The following UGT3A1 variants were observed in gnomAD, a reference collection of about 807,000 sequenced individuals.
UGT3A1 encodes UDP glycosyltransferase family 3 member A1.
Under a neutral mutation model 37.6 loss-of-function variants are expected in UGT3A1, and 40 were observed. The ratio of observed to expected loss-of-function variants is 1.06; its 90% CI spans 0.83 to 1.38. The LOEUF (loss-of-function observed/expected upper bound fraction) is 1.38. Among genes scored for constraint, UGT3A1 ranks in the 40% most tolerant of loss-of-function variants. The pLI is 0.00. For missense variants in UGT3A1, 642 were observed against 634.2 expected (o/e 1.01, Z -0.13); for synonymous variants, 256 against 232.3 (o/e 1.10, Z -0.93).
At chr5:35,965,250 T>C in intron 4 of UGT3A1, 136 bp downstream of exon 4, 1 of 1,359,180 alleles carries the variant, frequency 7.4e-7, no homozygotes, top group Non-Finnish European at 9.9e-7. Context: ...CAGCACTTCC[T>C]TTAAGAACGT....
At chr5:35,959,382 C>T (rs571092220) in intron 4 of UGT3A1, among the ~76,000 whole-genome samples, 1 of 152,268 alleles carries the variant, frequency 6.6e-6, no homozygotes, top group East Asian at 1.9e-4. Flanking sequence ...GGACTTACTA[C>T]ACAAATATTT....
intron 2 of UGT3A1, among the ~76,000 whole-genome samples, chr5:35,983,964 C>T (rs541520894): frequency 6.6e-6 from 1 of 152,168 alleles, no homozygotes; most frequent in South Asian, 2.1e-4. Flanking sequence ...TAGCAAAAAA[C>T]TGAAAGCCTT....
intron 4 of UGT3A1, among the ~76,000 whole-genome samples, chr5:35,964,984 G>A (rs528850077): frequency 5.3e-5 from 8 of 152,258 alleles, no homozygotes; most frequent in East Asian, 3.9e-4. Flanking sequence ...TGCTTACCCC[G>A]AAACCACAGT....
intron 2 of UGT3A1, among the ~76,000 whole-genome samples, chr5:35,979,313 T>C (rs1740424951): frequency 6.6e-6 from 1 of 152,194 alleles, no homozygotes; most frequent in Non-Finnish European, 1.5e-5. Flanking sequence ...TTTTGAACTT[T>C]TATACTCTGC....
At chr5:35,973,976 A>C (rs1222453130) in intron 2 of UGT3A1, among the ~76,000 whole-genome samples, 1 of 152,214 alleles carries the variant, frequency 6.6e-6, no homozygotes, top group Non-Finnish European at 1.5e-5. Flanking sequence ...TTACTTGATC[A>C]GTACAAGCAA....
intron 6 of UGT3A1, among the ~76,000 whole-genome samples, 157 bp from the exon 7 acceptor site, chr5:35,954,635 G>A (rs558491936): frequency 1.3e-5 from 2 of 152,294 alleles, no homozygotes; most frequent in South Asian, 2.1e-4. Context: ...GCCTTGCCAC[G>A]GTCTCACTGA....
rs768045145 is a variant in UGT3A1 at position 35,965,779 on chromosome 5, A to G, written c.450T>C (p.Cys150=). 1 of 1,614,102 alleles carries G rather than the reference A, an allele frequency of 6.2e-7. No homozygotes were observed. Among genetic ancestry groups the G allele is most frequent in the Non-Finnish European group, 8.5e-7 (1 of 1,180,042 alleles). ...DLVFVEAFDF[C]SFLIAEKLVK... ...CAAGCTTCTCAGCAATCAGGAAAGA[A>G]CAGAAATCAAATGCTTCAACAAATA... The change falls in exon 4 of 7, where the codon TGT becomes TGC. Residue 150 remains cysteine (C), a synonymous_variant. Coordinates refer to ENST00000274278, the MANE Select transcript of UGT3A1 (RefSeq NM_152404.4).
upstream of UGT3A1, chr5:35,991,747 G>T: frequency 4.9e-6 from 3 of 612,600 alleles, no homozygotes; most frequent in African/African-American, 2.0e-5. Flanking sequence ...ATCTCTAGCT[G>T]GTGTCCCAAG....
At chr5:35,993,223 T>C (rs1294925359), upstream of UGT3A1, among the ~76,000 whole-genome samples, 1 of 152,144 alleles carries the variant, frequency 6.6e-6, no homozygotes, top group Non-Finnish European at 1.5e-5. Context: ...CCCAGCACTT[T>C]TGGAGGCCAA....
At position 35,965,547 on chromosome 5, in the gene UGT3A1, G is replaced by T. The variant is rs1470131603; in HGVS notation, c.682C>A (p.His228Asn). 6.2e-7 allele frequency: 1 copy of T among 1,614,104 alleles called. No homozygotes were observed. Among genetic ancestry groups the T allele is most frequent in the East Asian group, 2.2e-5 (1 of 44,904 alleles). ...ACTGGCCTAGAGCCTTCTGGGAAAT[G>T]CTCCTTGATGGTGTTGTCAAATGTA... ...QSTFDNTIKE[H>N]FPEGSRPVLS... is the part of the protein sequence containing the mutation. The change falls in exon 4 of 7, where the codon CAT (histidine) becomes AAT (asparagine). Residue 228 changes from histidine (H) to asparagine (N), a missense_variant. Coordinates refer to ENST00000274278, the MANE Select transcript of UGT3A1 (RefSeq NM_152404.4).
intron 4 of UGT3A1, among the ~76,000 whole-genome samples, chr5:35,964,552 T>A (rs2149959560): frequency 6.6e-6 from 1 of 152,302 alleles, no homozygotes; most frequent in Non-Finnish European, 1.5e-5. Flanking sequence ...CTTTCGTACC[T>A]GGAAAGTCCA....
upstream of UGT3A1, among the ~76,000 whole-genome samples, chr5:35,992,313 G>T (rs1163300247): frequency 2.0e-5 from 3 of 151,990 alleles, no homozygotes; most frequent in Non-Finnish European, 4.4e-5. Context: ...GAGGAAATGA[G>T]AAAGAGAGAG....
At chr5:35,988,339 C>T (rs888411949) in intron 2 of UGT3A1, 111 bp downstream of exon 2, 16 of 722,312 alleles carry the variant, frequency 2.2e-5, no homozygotes, top group South Asian at 6.7e-5. Flanking sequence ...TTATTCATCC[C>T]GAAATAAGAC....
intron 2 of UGT3A1, among the ~76,000 whole-genome samples, chr5:35,980,664 T>C (rs1740485119): frequency 6.6e-6 from 1 of 152,230 alleles, no homozygotes; most frequent in South Asian, 2.1e-4. Flanking sequence ...GATCTAAAGA[T>C]AAGCTTTCCA....
chr5:35,956,990 GT>G (rs1004310650), intron 5 of UGT3A1, among the ~76,000 whole-genome samples, 197 bp downstream of exon 5: 2 of 152,302 alleles, frequency 1.3e-5, no homozygotes, highest in African/African-American at 4.8e-5. Context: ...GAAAGTGGCT[GT>G]TTTCACCATT....
chr5:35,955,856 T>A lies in UGT3A1; in HGVS notation c.1084A>T (p.Ser362Cys). The change falls in exon 6 of 7, where the codon AGC becomes TGC. Residue 362 changes from serine (S) to cysteine (C), a missense_variant. Ser to Cys is a moderately radical substitution (Grantham distance 112). Transcript: ENST00000274278. ...LPQSDLLAHP[S>C]IRLFVTHGGQ... is the part of the protein sequence containing the mutation. Reference sequence around the variant, plus strand: ...CCATGAGTGACAAAAAGACGGATGCTGGGGTGAGCTGTGGCAAATAAGAAA... The same window carrying A: ...CCATGAGTGACAAAAAGACGGATGCAGGGGTGAGCTGTGGCAAATAAGAAA... 6.2e-7 allele frequency: 1 copy of A among 1,613,844 alleles called. No individual in the cohort carries two copies. Among genetic ancestry groups the A allele is most frequent in the South Asian group, 1.1e-5 (1 of 91,074 alleles).
At chr5:35,982,941 ACCT>A (rs1740586144) in intron 2 of UGT3A1, among the ~76,000 whole-genome samples, 1 of 151,754 alleles carries the variant, frequency 6.6e-6, no homozygotes, top group Non-Finnish European at 1.5e-5. Context: ...AATGTGTAGC[ACCT>A]CCTCCCTTGC....
Position 35,955,850 on chromosome 5 carries a change from G to T in UGT3A1, c.1090C>A (p.Arg364Ser), listed in dbSNP as rs554821154. The change falls in exon 6 of 7, where the codon CGT (arginine) becomes AGT (serine). Residue 364 changes from arginine (R) to serine (S), a missense_variant. By Grantham distance (110) the Arg-to-Ser change is moderately radical. Transcript: ENST00000274278. ...QSDLLAHPSI[R>S]LFVTHGGQNS... ...TGCCCACCATGAGTGACAAAAAGAC[G>T]GATGCTGGGGTGAGCTGTGGCAAAT... 3 of 1,614,140 alleles carry T rather than the reference G, an allele frequency of 1.9e-6. No homozygotes were observed. Among genetic ancestry groups the T allele is most frequent in the Non-Finnish European group, 1.7e-6 (2 of 1,179,970 alleles).
chr5:35,982,191 G>C (rs1740552035), intron 2 of UGT3A1, among the ~76,000 whole-genome samples: 1 of 152,262 alleles, frequency 6.6e-6, no homozygotes, highest in South Asian at 2.1e-4. Flanking sequence ...GCAGTGCAGA[G>C]GAGAAATGTG....
Sources: allele counts gnomAD v4.1 joint callset (sites outside exome capture counted in the v4.1 genomes callset), GRCh38; gene constraint gnomAD v4.1.1; transcripts MANE v1.5; gene names NCBI Gene and HGNC (gene_info 2026-07-23, HGNC 2026-07-21).